Variants in MYO1D observed in about 807,000 individuals in gnomAD.
MYO1D encodes unconventional myosin-Id.
Under a neutral mutation model 122.0 loss-of-function variants are expected in MYO1D, and 83 were observed. That is an observed-to-expected ratio of 0.68 (90% CI 0.57 to 0.82). MYO1D has a LOEUF of 0.82. Ranked by LOEUF, MYO1D falls within the 40% of genes least tolerant of loss-of-function variation. The probability of loss-of-function intolerance (pLI) is 0.00; values close to 1 mark genes in which losing one functional copy is unlikely to be tolerated. For synonymous variants in MYO1D, 464 were observed against 446.9 expected, an observed-to-expected ratio of 1.04 and a Z score of -0.48; for missense variants, 1,157 against 1,269.5, an observed-to-expected ratio of 0.91 and a Z score of 1.35.
At chr17:32,580,934 C>T (rs1353837103) in intron 21 of MYO1D, among the ~76,000 whole-genome samples, 1 of 151,960 alleles carries the variant, frequency 6.6e-6, no homozygotes, top group African/African-American at 2.4e-5. Flanking sequence ...TTATCTTTGT[C>T]TGGTTTGGTA....
intron 21 of MYO1D, among the ~76,000 whole-genome samples, chr17:32,593,310 A>G (rs1212368647): frequency 1.3e-5 from 2 of 152,204 alleles, no homozygotes; most frequent in African/African-American, 2.4e-5. Flanking sequence ...TGAAGATGAG[A>G]GATGGAGATT....
At chr17:32,782,311 T>G (rs1253206096) in intron 1 of MYO1D, among the ~76,000 whole-genome samples, 3 of 152,318 alleles carry the variant, frequency 2.0e-5, no homozygotes, top group African/African-American at 7.2e-5. Context: ...TCTCAGTTGT[T>G]AGGAAGTTTA....
chr17:32,708,524 C>A (rs1193497538), intron 16 of MYO1D, among the ~76,000 whole-genome samples: 2 of 152,184 alleles, frequency 1.3e-5, no homozygotes, highest in East Asian at 3.9e-4. Flanking sequence ...TCTCTCCTAA[C>A]TTCCCATTAA....
chr17:32,802,576 AGTTT>A (rs2090469899), intron 1 of MYO1D, among the ~76,000 whole-genome samples: 1 of 152,214 alleles, frequency 6.6e-6, no homozygotes, highest in Non-Finnish European at 1.5e-5. Flanking sequence ...GTTAAGAGTT[AGTTT>A]GACTTTTAAA....
intron 20 of MYO1D, among the ~76,000 whole-genome samples, chr17:32,612,300 T>C (rs866246358): frequency 4.6e-5 from 7 of 152,258 alleles, no homozygotes; most frequent in Middle Eastern, 3.4e-3. Context: ...ACCAAACCCT[T>C]GGCAGAGTCT....
chr17:32,521,859 G>A (rs1469899683), intron 21 of MYO1D, among the ~76,000 whole-genome samples: 1 of 152,016 alleles, frequency 6.6e-6, no homozygotes, highest in African/African-American at 2.4e-5. Context: ...CGAGGTGGGG[G>A]AATCATGAAG....
chr17:32,817,280 T>G lies in MYO1D; in HGVS notation c.96-36496A>C, dbSNP rs184983260. Among the ~76,000 whole-genome samples the G allele has an allele frequency of 2.0e-5, 3 of 152,294 alleles. No individual in the cohort carries two copies. The East Asian group carries it at 5.8e-4, about 29-fold the overall frequency. On this transcript the variant is annotated intron_variant, in intron 1 of 21. Transcript: ENST00000318217. The stretch of plus-strand genomic sequence containing the variant: ...GCAATCTACAAATTTTATGCATTTC[T>G]AAAAAGATATGAAGACTGAAGACTG...
At chr17:32,713,604 T>TA (rs1408335566) in intron 15 of MYO1D, among the ~76,000 whole-genome samples, 2 of 152,110 alleles carry the variant, frequency 1.3e-5, no homozygotes, top group African/African-American at 4.8e-5. Context: ...GCACCCTTGA[T>TA]AGATTTAGTG....
chr17:32,721,698 G>A (rs752054488), intron 14 of MYO1D, among the ~76,000 whole-genome samples: 11 of 152,220 alleles, frequency 7.2e-5, no homozygotes, highest in Admixed American at 2.0e-4. Context: ...TTGCACTTTC[G>A]GAAAAGAGAT....
At chr17:32,743,311 G>T (rs1189649300) in intron 13 of MYO1D, among the ~76,000 whole-genome samples, 1 of 152,126 alleles carries the variant, frequency 6.6e-6, no homozygotes, top group Non-Finnish European at 1.5e-5. Context: ...TTTCCCCTGA[G>T]ATTCAGATGC....
intron 1 of MYO1D, among the ~76,000 whole-genome samples, chr17:32,874,740 T>C (rs187273845): frequency 6.6e-6 from 1 of 152,244 alleles, no homozygotes; most frequent in East Asian, 1.9e-4. Flanking sequence ...CTGCTCAACA[T>C]AGCAACTCTA....
At chr17:32,532,889 A>G (rs767546731) in intron 21 of MYO1D, among the ~76,000 whole-genome samples, 3 of 152,198 alleles carry the variant, frequency 2.0e-5, no homozygotes, top group Non-Finnish European at 4.4e-5. Flanking sequence ...GAATGACAGC[A>G]GGTCCTCTTC....
chr17:32,832,346 G>C (rs939110263), intron 1 of MYO1D, among the ~76,000 whole-genome samples: 54 of 150,964 alleles, frequency 3.6e-4, no homozygotes, highest in Non-Finnish European at 6.2e-4. Flanking sequence ...TGTCACCCAG[G>C]CTGAAGTGCA....
In MYO1D at chr17:32,737,161, G is replaced by A. The variant is rs553480414; in HGVS notation, c.1746+1092C>T. On this transcript the variant is annotated intron_variant, in intron 14 of 21. Coordinates refer to ENST00000318217, the MANE Select transcript of MYO1D (RefSeq NM_015194.3). ...AGATAACGAAGAAGAAACTACATAG[G>A]AGAAGCACCAGAAGAGAAAGATAAA... Among the ~76,000 whole-genome samples, 6 of 152,216 alleles carry A rather than the reference G, an allele frequency of 3.9e-5. 1 individual carries two copies. In the South Asian group the frequency reaches 6.2e-4, roughly 16 times the overall value.
intron 21 of MYO1D, among the ~76,000 whole-genome samples, chr17:32,557,163 G>C (rs1025049610): frequency 6.6e-6 from 1 of 150,898 alleles, no homozygotes; most frequent in Non-Finnish European, 1.5e-5. Context: ...TTGTTGTCCA[G>C]GCTGGAGTTC....
intron 21 of MYO1D, among the ~76,000 whole-genome samples, chr17:32,526,662 T>G (rs1343982025): frequency 2.6e-5 from 4 of 152,062 alleles, no homozygotes; most frequent in African/African-American, 9.7e-5. Flanking sequence ...GGTATAGTTA[T>G]TATTTTTTGA....
intron 1 of MYO1D, among the ~76,000 whole-genome samples, chr17:32,849,512 G>A (rs2090966940): frequency 6.6e-6 from 1 of 151,140 alleles, no homozygotes; most frequent in South Asian, 2.1e-4. Flanking sequence ...CATGTCCTTT[G>A]TAGGGACATG....
chr17:32,578,930 G>A (rs1305898420), intron 21 of MYO1D, among the ~76,000 whole-genome samples: 1 of 152,038 alleles, frequency 6.6e-6, no homozygotes, highest in African/African-American at 2.4e-5. Context: ...TTCCCTTCAA[G>A]TTCCTTGACA....
chr17:32,584,931 C>T (rs910316172), intron 21 of MYO1D, among the ~76,000 whole-genome samples: 2 of 152,168 alleles, frequency 1.3e-5, no homozygotes, highest in Non-Finnish European at 2.9e-5. Flanking sequence ...GACTGGAAGC[C>T]ACATTGTCTG....
Sources: allele counts gnomAD v4.1 joint callset (sites outside exome capture counted in the v4.1 genomes callset), GRCh38; gene constraint gnomAD v4.1.1; transcripts MANE v1.5; gene names NCBI Gene and HGNC (gene_info 2026-07-23, HGNC 2026-07-21).